Variants in SEMA5A observed in about 807,000 individuals in gnomAD.
The protein encoded by SEMA5A is semaphorin 5A.
Under a neutral mutation model 135.5 loss-of-function variants are expected in SEMA5A, and 55 were observed. That is an observed-to-expected ratio of 0.41 (90% CI 0.33 to 0.51). The LOEUF (loss-of-function observed/expected upper bound fraction) is 0.51, where lower values mean the gene tolerates loss of function less well. Ranked by LOEUF, SEMA5A falls within the 20% of genes least tolerant of loss-of-function variation. The probability of loss-of-function intolerance (pLI) is 0.37; values close to 1 mark genes in which losing one functional copy is unlikely to be tolerated. For missense variants in SEMA5A, 1,290 were observed against 1,419.9 expected (o/e 0.91, Z 1.47); for synonymous variants, 580 against 546.5 (o/e 1.06, Z -0.85).
chr5:9,418,727 G>A (rs1228488465), intron 2 of SEMA5A, among the ~76,000 whole-genome samples: 1 of 152,146 alleles, frequency 6.6e-6, no homozygotes, highest in Non-Finnish European at 1.5e-5. Flanking sequence ...TAATCAAATT[G>A]TACTACATAT....
chr5:9,127,494 C>T (rs902229387), intron 13 of SEMA5A, among the ~76,000 whole-genome samples: 2 of 152,204 alleles, frequency 1.3e-5, no homozygotes, highest in African/African-American at 4.8e-5. Flanking sequence ...TGGAGATCTA[C>T]CTGTCCTGCA....
chr5:9,119,110 A>C lies in SEMA5A; in HGVS notation c.1813T>G (p.Ser605Ala). The change falls in exon 15 of 23, where the codon TCT becomes GCT. Residue 605 changes from serine to alanine, a missense_variant. By Grantham distance (99) the Ser-to-Ala change is moderately conservative. Around this residue, in one of 3 missense-constraint regions of SEMA5A, gnomAD observed 1,029 missense variants for 1,086.6 expected, o/e 0.95. Coordinates refer to ENST00000382496, the MANE Select transcript of SEMA5A (RefSeq NM_003966.3). ...NGGWTPWTSW[S>A]PCSTTCGIGF... ...ATCCCACAGGTAGTGCTGCAGGGAG[A>C]CCACGAGGTCCAGGGAGTCCAGCCT... 1 of 1,613,784 alleles carries C rather than the reference A, an allele frequency of 6.2e-7. No individual in the cohort carries two copies. Among genetic ancestry groups the C allele is most frequent in the Non-Finnish European group, 8.5e-7 (1 of 1,179,960 alleles).
chr5:9,416,957 A>G (rs1757303827), intron 2 of SEMA5A, among the ~76,000 whole-genome samples: 1 of 152,256 alleles, frequency 6.6e-6, no homozygotes, highest in South Asian at 2.1e-4. Context: ...TTTAGGTAGC[A>G]TTATGTTCTG....
intron 16 of SEMA5A, among the ~76,000 whole-genome samples, chr5:9,100,546 A>G (rs1164207261): frequency 6.6e-6 from 1 of 152,152 alleles, no homozygotes; most frequent in African/African-American, 2.4e-5. Flanking sequence ...TGCCCTTAGC[A>G]GTGACCTTGG....
chr5:9,303,253 A>C (rs1751700688), intron 5 of SEMA5A, among the ~76,000 whole-genome samples: 1 of 151,790 alleles, frequency 6.6e-6, no homozygotes, highest in Admixed American at 6.6e-5. Context: ...AGTAGCTGGG[A>C]ATACAGGCGC....
intron 5 of SEMA5A, 127 bp downstream of exon 5, chr5:9,318,245 C>T (rs1752476420): frequency 3.8e-6 from 3 of 791,668 alleles, no homozygotes; most frequent in East Asian, 5.3e-5. Context: ...CGTGGCCTGA[C>T]CTGCTGAGGA....
intron 16 of SEMA5A, among the ~76,000 whole-genome samples, chr5:9,100,602 G>A (rs1403802942): frequency 6.6e-6 from 1 of 152,086 alleles, no homozygotes; most frequent in Non-Finnish European, 1.5e-5. Flanking sequence ...GCCTCACCCT[G>A]TCATCCTCTC....
intron 4 of SEMA5A, among the ~76,000 whole-genome samples, chr5:9,330,256 A>G (rs956882728): frequency 9.2e-5 from 14 of 151,974 alleles, no homozygotes; most frequent in East Asian, 1.9e-4. Flanking sequence ...CGGGCGTGGT[A>G]GCGGGCGCCT....
At chr5:9,474,609 T>C (rs1759601309) in intron 1 of SEMA5A, among the ~76,000 whole-genome samples, 2 of 152,248 alleles carry the variant, frequency 1.3e-5, no homozygotes, top group African/African-American at 4.8e-5. Flanking sequence ...CACAGCGGCA[T>C]GCATCTTTTT....
rs185485440 is a variant in SEMA5A at position 9,227,037 on chromosome 5, T to G, written c.334-70A>C. ...TATAATGATAAACATGCTAACAAAG[T>G]CTGAGCACAAGAAGAATGGTGAGAA... On this transcript the variant is annotated intron_variant, in intron 6 of 22. Coordinates refer to ENST00000382496, the MANE Select transcript of SEMA5A (RefSeq NM_003966.3). The G allele has an allele frequency of 5.4e-5, 41 of 759,304 alleles. No individual in the cohort carries two copies. In the African/African-American group the frequency reaches 7.4e-4, roughly 14 times the overall value. The allele number at this position is 759,304 out of a possible 1,614,324, so 47.0% of individuals were successfully genotyped here. A position where few individuals can be genotyped will look rare whatever the true frequency, so the allele number is the denominator to read the frequency against.
At chr5:9,243,564 T>C (rs1318937853) in intron 5 of SEMA5A, among the ~76,000 whole-genome samples, 1 of 152,144 alleles carries the variant, frequency 6.6e-6, no homozygotes, top group Non-Finnish European at 1.5e-5. Flanking sequence ...AGTCACAAAT[T>C]AGGGTCATTG....
chr5:9,448,867 G>T (rs1758529940), intron 1 of SEMA5A, among the ~76,000 whole-genome samples: 1 of 152,094 alleles, frequency 6.6e-6, no homozygotes, highest in Non-Finnish European at 1.5e-5. Context: ...TTACTTCTCT[G>T]TCTCCTGGTC....
At chr5:9,523,190 C>T (rs1736932878) in intron 1 of SEMA5A, 1 of 151,056 alleles carries the variant, frequency 6.6e-6, no homozygotes, top group Non-Finnish European at 1.5e-5. Context: ...CCAAACTCAG[C>T]TCCGCAGAGA....
chr5:9,489,928 T>C, intron 1 of SEMA5A, among the ~76,000 whole-genome samples: 1 of 152,164 alleles, frequency 6.6e-6, no homozygotes, highest in Non-Finnish European at 1.5e-5. Context: ...AGCTCCATGC[T>C]GCTGTTGATG....
At chr5:9,139,473 A>T (rs1028531951) in intron 12 of SEMA5A, among the ~76,000 whole-genome samples, 1 of 152,080 alleles carries the variant, frequency 6.6e-6, no homozygotes. Context: ...GAATTTCCCA[A>T]TTGTCTGTTT....
At chr5:9,137,272 G>A (rs56246822) in intron 12 of SEMA5A, among the ~76,000 whole-genome samples, 20,130 of 152,122 alleles carry the variant, frequency 0.13, 1,754 homozygotes, top group Non-Finnish European at 0.19. Context: ...TAGCTTAAAC[G>A]TATTAAAATT....
At chr5:9,387,775 A>T (rs1163366686) in intron 2 of SEMA5A, among the ~76,000 whole-genome samples, 1 of 152,254 alleles carries the variant, frequency 6.6e-6, no homozygotes, top group African/African-American at 2.4e-5. Flanking sequence ...ATCTTTTTCA[A>T]AAACGATAAC....
intron 11 of SEMA5A, among the ~76,000 whole-genome samples, chr5:9,174,690 T>G (rs1744109873): frequency 6.6e-6 from 1 of 152,206 alleles, no homozygotes; most frequent in South Asian, 2.1e-4. Context: ...AGGATGTGCT[T>G]AGATCCAAAA....
intron 16 of SEMA5A, among the ~76,000 whole-genome samples, chr5:9,073,751 T>G (rs1162455654): frequency 6.6e-6 from 1 of 152,152 alleles, no homozygotes; most frequent in African/African-American, 2.4e-5. Flanking sequence ...ATAAATTAAT[T>G]TATTAAGGCT....
Sources: allele counts gnomAD v4.1 joint callset (sites outside exome capture counted in the v4.1 genomes callset), GRCh38; gene constraint gnomAD v4.1.1; regional missense constraint gnomAD v4.1.1; transcripts MANE v1.5; gene names NCBI Gene and HGNC (gene_info 2026-07-23, HGNC 2026-07-21).